SLC43A2: variants seen among roughly 807,000 people sequenced by gnomAD.
SLC43A2 encodes solute carrier family 43 member 2, also known as large neutral amino acids transporter small subunit 4.
Under a neutral mutation model 63.2 loss-of-function variants are expected in SLC43A2, and 38 were observed. The ratio of observed to expected loss-of-function variants is 0.60; its 90% CI spans 0.46 to 0.79. The LOEUF is 0.79. SLC43A2 is among the 30% of genes least tolerant of loss of function. SLC43A2 has a pLI of 0.00. For synonymous variants in SLC43A2, 322 were observed against 331.0 expected, an observed-to-expected ratio of 0.97 and a Z score of 0.30; for missense variants, 644 against 756.2, an observed-to-expected ratio of 0.85 and a Z score of 1.74.
rs1042891630 is a variant in SLC43A2, at chr17:1,628,020, C to T, written c.-46-100G>A. On this transcript the variant is annotated intron_variant, in intron 1 of 13. Transcript: ENST00000301335. Reference sequence around the variant, plus strand: ...GCCGCAGGGCTCGGGATTGCCACCCCTCCCCGGCCGCGGCGGCCGGTGCGC... The same window carrying T: ...GCCGCAGGGCTCGGGATTGCCACCCTTCCCCGGCCGCGGCGGCCGGTGCGC... 110 of 1,160,336 alleles carry T rather than the reference C, an allele frequency of 9.5e-5. 1 individual carries two copies. In the Middle Eastern group the frequency reaches 1.7e-3, roughly 18 times the overall value. The allele number at this position is 1,160,336 out of a possible 1,614,324, so 71.9% of individuals were successfully genotyped here.
At chr17:1,591,739 G>GCGGGGCC in intron 6 of SLC43A2, 40 bp from the exon 7 acceptor site, 1 of 512,306 alleles carries the variant, frequency 2.0e-6, no homozygotes. Flanking sequence ...GGGGGAGGGG[G>GCGGGGCC]CAGAGTTAGC....
In SLC43A2 at chr17:1,572,123, C is replaced by G. The variant is rs1019867382; in HGVS notation, c.*3481G>C. ...CACCAGGGATTGCTCCCCCAAGTACCCATCAGCCTCCAGGGCCCAAATGAT... is the reference window on the plus strand; with the variant it reads ...CACCAGGGATTGCTCCCCCAAGTACGCATCAGCCTCCAGGGCCCAAATGAT... On this transcript the variant is annotated 3_prime_UTR_variant, in exon 14 of 14. Transcript: ENST00000301335. The G allele has an allele frequency of 6.6e-6, 1 of 152,614 alleles. No homozygotes were observed. Among genetic ancestry groups the G allele is most frequent in the Non-Finnish European group, 1.5e-5 (1 of 68,364 alleles). The allele number at this position is 152,614 out of a possible 1,614,324, so 9.5% of individuals were successfully genotyped here.
In SLC43A2 at chr17:1,590,688, C is replaced by A. The variant is rs571752060; in HGVS notation, c.1078+114G>T. ...TGACGGGCAGACAGCTCCTGGGATG[C>A]GGCCTTTCCATGGCCCGGCTGGCCC... On this transcript the variant is annotated intron_variant, in intron 9 of 13. Coordinates refer to ENST00000301335, the MANE Select transcript of SLC43A2 (RefSeq NM_152346.3). 30 of 1,341,930 alleles carry A rather than the reference C, an allele frequency of 2.2e-5. No homozygotes were observed. In the African/African-American group the frequency reaches 3.9e-4, roughly 17 times the overall value. The allele number at this position is 1,341,930 out of a possible 1,614,324, so 83.1% of individuals were successfully genotyped here.
chr17:1,626,556 C>A (rs1361060432), intron 2 of SLC43A2, among the ~76,000 whole-genome samples: 1 of 152,220 alleles, frequency 6.6e-6, no homozygotes, highest in Non-Finnish European at 1.5e-5. Flanking sequence ...ACCTCTCCAG[C>A]TAAGCCTCCC....
intron 2 of SLC43A2, among the ~76,000 whole-genome samples, chr17:1,624,066 T>C (rs1908429171): frequency 6.6e-6 from 1 of 152,234 alleles, no homozygotes; most frequent in Non-Finnish European, 1.5e-5. Context: ...GTGTGATGAC[T>C]TGTTTCCTCT....
intron 5 of SLC43A2, among the ~76,000 whole-genome samples, chr17:1,598,774 A>G (rs1307972452): frequency 1.3e-5 from 2 of 151,996 alleles, no homozygotes; most frequent in Admixed American, 1.3e-4. Context: ...CAGGATGGGG[A>G]AGAGCAGAAC....
chr17:1,578,436 G>A lies in SLC43A2; in HGVS notation c.1351-113C>T. 2 of 969,082 alleles carry A rather than the reference G, an allele frequency of 2.1e-6. No individual in the cohort carries two copies. Among genetic ancestry groups the A allele is most frequent in the East Asian group, 2.8e-5 (1 of 36,250 alleles). 60.0% of individuals were successfully genotyped at this position (969,082 alleles called of 1,614,324 possible). A position where few individuals can be genotyped will look rare whatever the true frequency, so the allele number is the denominator to read the frequency against. ...CCAGGGGCAGTGTCAGCCTGGAGTT[G>A]GATCAACCCCATCCTCCGGAGCCAA... On this transcript the variant is annotated intron_variant, in intron 11 of 13. Coordinates refer to ENST00000301335, the MANE Select transcript of SLC43A2 (RefSeq NM_152346.3). This position sits in a 1 kb window ranked among gnomAD's most constrained non-coding sequence, Gnocchi z 6.5.
Position 1,591,452 on chromosome 17 carries a change from A to T in SLC43A2, c.748T>A (p.Trp250Arg), listed in dbSNP as rs1403618172. 1 of 1,613,196 alleles carries T rather than the reference A, an allele frequency of 6.2e-7. No individual in the cohort carries two copies. Among genetic ancestry groups the T allele is most frequent in the Non-Finnish European group, 8.5e-7 (1 of 1,179,912 alleles). Residue 250 changes from tryptophan to arginine, a missense_variant, in exon 8 of 14, where the codon TGG becomes AGG. Physicochemically the swap from Trp to Arg is moderately radical, Grantham distance 101. Around this residue, in one of 3 missense-constraint regions of SLC43A2, gnomAD observed 528 missense variants for 623.6 expected, o/e 0.85. Coordinates refer to ENST00000301335, the MANE Select transcript of SLC43A2 (RefSeq NM_152346.3). ...GTGATCTTGTGGTCAAAGCCCAGCC[A>T]GCTGAACTTGATCTTCACCCTGGGG... ...MDYSVKIKFS[W>R]LGFDHKITGK...
In SLC43A2 at chr17:1,577,534, G is replaced by C. The variant is rs528933561; in HGVS notation, c.1424+716C>G. 6.6e-6 allele frequency among the ~76,000 whole-genome samples: 1 copy of C among 152,320 alleles called. No homozygotes were observed. Among genetic ancestry groups the C allele is most frequent in the East Asian group, 1.9e-4 (1 of 5,190 alleles). ...AGGGGCTGTTGCGGGAATTGGGAGA[G>C]AGTTCCGGGCTAAATCTTAGCACAT... On this transcript the variant is annotated intron_variant, in intron 12 of 13. Coordinates refer to ENST00000301335, the MANE Select transcript of SLC43A2 (RefSeq NM_152346.3). This position sits in a 1 kb window ranked among gnomAD's most constrained non-coding sequence, Gnocchi z 4.9.
Position 1,622,437 on chromosome 17 carries a change from C to T in SLC43A2, c.160+5278G>A, listed in dbSNP as rs369212268. ...AAATTTAGCCAGGCGTGGTGGCGGGCGCCTGCAGTCCCAGCTACTGGGGAG... is the reference window on the plus strand; with the variant it reads ...AAATTTAGCCAGGCGTGGTGGCGGGTGCCTGCAGTCCCAGCTACTGGGGAG... On this transcript the variant is annotated intron_variant, in intron 2 of 13. Coordinates refer to ENST00000301335, the MANE Select transcript of SLC43A2 (RefSeq NM_152346.3). Among the ~76,000 whole-genome samples, 31 of 152,100 alleles carry T rather than the reference C, an allele frequency of 2.0e-4. 1 individual carries two copies. In the East Asian group the frequency reaches 3.1e-3, roughly 15 times the overall value.
Position 1,602,158 on chromosome 17 carries a change from G to C in SLC43A2, c.502-8879C>G, listed in dbSNP as rs58331714. ...AAGCGGCAGGGGGCTGCATAGCAAGGTCTCCTTCAGCTTTGTTTTAATTAT... is the reference window on the plus strand; with the variant it reads ...AAGCGGCAGGGGGCTGCATAGCAAGCTCTCCTTCAGCTTTGTTTTAATTAT... On this transcript the variant is annotated intron_variant, in intron 5 of 13. Transcript: ENST00000301335. 1.6e-3 allele frequency among the ~76,000 whole-genome samples: 243 copies of C among 152,274 alleles called. 5 individuals carry two copies. The highest frequency in any genetic ancestry group is 5.6e-3 in the African/African-American group (234 of 41,530).
intron 9 of SLC43A2, 130 bp from the exon 10 acceptor site, chr17:1,586,181 T>C (rs2076099213): frequency 2.9e-6 from 4 of 1,391,964 alleles, no homozygotes; most frequent in Admixed American, 2.8e-5. Context: ...CCTGTCACTA[T>C]GGGTCTTGCG....
chr17:1,601,530 G>A (rs748369528), intron 5 of SLC43A2, among the ~76,000 whole-genome samples: 5 of 151,572 alleles, frequency 3.3e-5, no homozygotes, highest in Non-Finnish European at 5.9e-5. Context: ...CTGAGCCAGA[G>A]CCCTTCTGCA....
At chr17:1,592,432 A>T (rs961702171) in intron 6 of SLC43A2, among the ~76,000 whole-genome samples, 1 of 152,138 alleles carries the variant, frequency 6.6e-6, no homozygotes, top group African/African-American at 2.4e-5. Flanking sequence ...GTTCCCCCCC[A>T]AAAAAAGGAG....
At position 1,583,418 on chromosome 17, in the gene SLC43A2, C is replaced by T. The variant is rs192740759; in HGVS notation, c.1218-82G>A. 180 of 1,582,124 alleles carry T rather than the reference C, an allele frequency of 1.1e-4. No individual in the cohort carries two copies. Among genetic ancestry groups the T allele is most frequent in the Non-Finnish European group, 1.4e-4 (159 of 1,162,034 alleles). On this transcript the variant is annotated intron_variant, in intron 10 of 13. Transcript: ENST00000301335. This position sits in a 1 kb window ranked among gnomAD's most constrained non-coding sequence, Gnocchi z 5.5. ...TCCTGAGAAGTCAGGCCTCAAGCGT[C>T]GCAGCAGGTAAACTGACGCAAGACT...
chr17:1,597,134 T>G (rs1905364746), intron 5 of SLC43A2, among the ~76,000 whole-genome samples: 1 of 151,852 alleles, frequency 6.6e-6, no homozygotes, highest in Admixed American at 6.6e-5. Flanking sequence ...GAGAATCACT[T>G]GAACCCAGGC....
At position 1,591,426 on chromosome 17, in the gene SLC43A2, T is replaced by C; in HGVS notation, c.774A>G (p.Thr258=). ...FSWLGFDHKI[T]GKQFYKQVTT... ...TCACCTGCTTGTAGAACTGCTTCCCTGTGATCTTGTGGTCAAAGCCCAGCC... is the reference window on the plus strand; with the variant it reads ...TCACCTGCTTGTAGAACTGCTTCCCCGTGATCTTGTGGTCAAAGCCCAGCC... Residue 258 remains threonine, a synonymous_variant, in exon 8 of 14, where the codon ACA becomes ACG. Coordinates refer to ENST00000301335, the MANE Select transcript of SLC43A2 (RefSeq NM_152346.3). 6.2e-7 allele frequency: 1 copy of C among 1,613,260 alleles called. No homozygotes were observed. The highest frequency in any genetic ancestry group is 8.5e-7 in the Non-Finnish European group (1 of 1,179,930).
intron 5 of SLC43A2, among the ~76,000 whole-genome samples, chr17:1,607,261 C>T (rs922334406): frequency 6.6e-6 from 1 of 152,174 alleles, no homozygotes; most frequent in African/African-American, 2.4e-5. Context: ...AATTAGAACA[C>T]GGGTGGGAGA....
chr17:1,576,743 C>T (rs763309045), intron 12 of SLC43A2, 23 bp from the exon 13 acceptor site: 6 of 1,605,344 alleles, frequency 3.7e-6, no homozygotes, highest in Non-Finnish European at 8.5e-7. Context: ...CGACAGCTCA[C>T]AGCCATCCTG....
Sources: allele counts gnomAD v4.1 joint callset (sites outside exome capture counted in the v4.1 genomes callset), GRCh38; gene constraint gnomAD v4.1.1; regional missense constraint gnomAD v4.1.1; non-coding constraint Gnocchi (gnomAD v3.1); transcripts MANE v1.5; gene names NCBI Gene and HGNC (gene_info 2026-07-23, HGNC 2026-07-21).